NCOA1: variants seen among roughly 807,000 people sequenced by gnomAD.
NCOA1 encodes the protein Hin-2 protein.
NCOA1 carries 35 observed loss-of-function variants against 150.9 expected under a neutral mutation model. That is an observed-to-expected ratio of 0.23 (90% confidence interval 0.18 to 0.31). NCOA1 has a LOEUF of 0.31. Ranked by LOEUF, NCOA1 falls within the 10% of genes least tolerant of loss-of-function variation. The pLI is 1.00. For missense variants in NCOA1, 1,491 were observed against 1,749.3 expected, an observed-to-expected ratio of 0.85 and a Z score of 2.63; for synonymous variants, 590 against 630.0, an observed-to-expected ratio of 0.94 and a Z score of 0.95.
chr2:24,642,872 A>T (rs548834397), intron 3 of NCOA1, among the ~76,000 whole-genome samples: 1 of 152,322 alleles, frequency 6.6e-6, no homozygotes, highest in South Asian at 2.1e-4. Flanking sequence ...ACTTGAAAAG[A>T]TTCCATGCTA....
intron 3 of NCOA1, among the ~76,000 whole-genome samples, chr2:24,614,235 A>C (rs370005250): frequency 6.0e-5 from 1 of 16,804 alleles, no homozygotes; most frequent in Non-Finnish European, 1.3e-4. Flanking sequence ...TTTTTTTGCT[A>C]TGGGGTTTCA....
At chr2:24,638,488 C>G (rs1487447326) in intron 3 of NCOA1, among the ~76,000 whole-genome samples, 1 of 152,002 alleles carries the variant, frequency 6.6e-6, no homozygotes, top group African/African-American at 2.4e-5. Context: ...CTTTTATTTA[C>G]CTAAATGCCA....
rs1395209541 is a variant in NCOA1, at chr2:24,644,080, A to G, written c.-60A>G. 6.6e-6 allele frequency: 1 copy of G among 152,310 alleles called. No homozygotes were observed. The highest frequency in any genetic ancestry group is 6.5e-5 in the Admixed American group (1 of 15,290). The allele number at this position is 152,310 out of a possible 1,614,324, so 9.4% of individuals were successfully genotyped here. A position where few individuals can be genotyped will look rare whatever the true frequency, so the allele number is the denominator to read the frequency against. On this transcript the variant is annotated 5_prime_UTR_variant, in exon 4 of 23. Transcript: ENST00000348332. ...ACCCTCTGGAACTCAAGATTTGACC[A>G]TATCTGTTTTGAGGATTCATTATGA... is the stretch of plus-strand genomic sequence containing the variant.
In NCOA1 at chr2:24,625,763, T is replaced by C. The variant is rs116599921; in HGVS notation, c.-174-18203T>C. Among the ~76,000 whole-genome samples the C allele has an allele frequency of 9.0e-5, 13 of 144,404 alleles. No homozygotes were observed. In the South Asian group the frequency reaches 2.8e-3, roughly 32 times the overall value. The allele number at this position is 144,404 out of a possible 152,430, so 94.7% of individuals were successfully genotyped here. A position where few individuals can be genotyped will look rare whatever the true frequency, so the allele number is the denominator to read the frequency against. ...TGTTTTCTGTTTTGTTTTTTTTTTT[T>C]CCTCCATGGATTATTTAGAAGTGTG... On this transcript the variant is annotated intron_variant, in intron 3 of 22. Coordinates refer to ENST00000348332, the MANE Select transcript of NCOA1 (RefSeq NM_003743.5).
intron 3 of NCOA1, among the ~76,000 whole-genome samples, chr2:24,641,883 C>T (rs1670232108): frequency 2.0e-5 from 3 of 151,908 alleles, no homozygotes; most frequent in African/African-American, 7.3e-5. Context: ...CTGGATCTGA[C>T]AGTTTATTTT....
chr2:24,733,632 T>G (rs1034363699), intron 17 of NCOA1, among the ~76,000 whole-genome samples: 23 of 152,060 alleles, frequency 1.5e-4, no homozygotes, highest in African/African-American at 5.6e-4. Flanking sequence ...TAATCCCAGT[T>G]ACTGGGGAGG....
At chr2:24,523,450 C>A (rs925967977) in intron 1 of NCOA1, among the ~76,000 whole-genome samples, 7 of 149,692 alleles carry the variant, frequency 4.7e-5, no homozygotes, top group Admixed American at 1.3e-4. Context: ...ACTAAAAATA[C>A]AAAAAAATTG....
rs182193971 is a variant in NCOA1, at chr2:24,610,230, T to C, written c.-175+25670T>C. ...ACCTCCATCTTCCGGTTCAAGCGAT[T>C]CTCCTGCCTCAGCCTCCCGAATAGC... is the stretch of plus-strand genomic sequence containing the variant. On this transcript the variant is annotated intron_variant, in intron 3 of 22. Transcript: ENST00000348332. Among the ~76,000 whole-genome samples the C allele has an allele frequency of 2.6e-5, 4 of 150,966 alleles. No homozygotes were observed. The South Asian group carries it at 8.4e-4, about 32-fold the overall frequency.
At chr2:24,723,147 C>G (rs975004301) in intron 14 of NCOA1, among the ~76,000 whole-genome samples, 1 of 152,048 alleles carries the variant, frequency 6.6e-6, no homozygotes, top group African/African-American at 2.4e-5. Context: ...ATCGTTTTTT[C>G]TGTACCTTCA....
chr2:24,727,551 G>A (rs1252200707), intron 15 of NCOA1, among the ~76,000 whole-genome samples: 1 of 152,144 alleles, frequency 6.6e-6, no homozygotes, highest in African/African-American at 2.4e-5. Context: ...GCCAACCACA[G>A]GAAGACTAGA....
intron 3 of NCOA1, among the ~76,000 whole-genome samples, chr2:24,625,064 A>G (rs1669345199): frequency 1.3e-5 from 2 of 152,184 alleles, no homozygotes; most frequent in South Asian, 2.1e-4. Context: ...TGAGTTTTAT[A>G]TAATTTTCTT....
chr2:24,766,087 G>C (rs1665050265), intron 22 of NCOA1, among the ~76,000 whole-genome samples: 1 of 151,726 alleles, frequency 6.6e-6, no homozygotes, highest in African/African-American at 2.4e-5. Flanking sequence ...TTTTTGTAGA[G>C]ATGGGTCTCA....
chr2:24,659,120 G>T, intron 5 of NCOA1: 1 of 194,652 alleles, frequency 5.1e-6, no homozygotes, highest in Non-Finnish European at 1.1e-5. Flanking sequence ...ATTTTTACTA[G>T]TGTGATTATT....
chr2:24,729,927 C>A, intron 17 of NCOA1, 112 bp downstream of exon 17: 1 of 1,137,370 alleles, frequency 8.8e-7, no homozygotes, highest in Non-Finnish European at 1.2e-6. Context: ...CCCACTGCAA[C>A]CGCCGCCTCC....
chr2:24,703,535 A>G (rs528806202), intron 11 of NCOA1, among the ~76,000 whole-genome samples: 1 of 152,332 alleles, frequency 6.6e-6, no homozygotes, highest in African/African-American at 2.4e-5. Context: ...AATTTTTCCT[A>G]GTTTAGATAC....
intron 3 of NCOA1, among the ~76,000 whole-genome samples, chr2:24,599,725 C>CTT (rs33950079): frequency 4.6e-5 from 5 of 108,496 alleles, no homozygotes; most frequent in African/African-American, 1.3e-4. Context: ...TATGATTGAT[C>CTT]TTTTTTTTTT....
intron 1 of NCOA1, among the ~76,000 whole-genome samples, chr2:24,554,148 G>T (rs1351211592): frequency 6.6e-6 from 1 of 152,004 alleles, no homozygotes; most frequent in Non-Finnish European, 1.5e-5. Flanking sequence ...CAAAGAATTA[G>T]ATTTGTGTTT....
chr2:24,532,329 T>C (rs1664934678), intron 1 of NCOA1, among the ~76,000 whole-genome samples: 1 of 152,198 alleles, frequency 6.6e-6, no homozygotes, highest in Non-Finnish European at 1.5e-5. Context: ...CTTGTTTAAA[T>C]TCTTTGTAGA....
chr2:24,536,265 G>T (rs546370686), intron 1 of NCOA1, among the ~76,000 whole-genome samples: 3 of 152,002 alleles, frequency 2.0e-5, no homozygotes, highest in South Asian at 2.1e-4. Flanking sequence ...TTCTGCATGC[G>T]TCACAAAGTT....
Sources: allele counts gnomAD v4.1 joint callset (sites outside exome capture counted in the v4.1 genomes callset), GRCh38; gene constraint gnomAD v4.1.1; transcripts MANE v1.5; gene names NCBI Gene and HGNC (gene_info 2026-07-23, HGNC 2026-07-21).